The following FN1 variants were observed in gnomAD, a reference collection of about 807,000 sequenced individuals.
FN1 encodes the protein fibronectin.
FN1 carries 106 observed loss-of-function variants against 297.3 expected under a neutral mutation model. That is an observed-to-expected ratio of 0.36 (90% CI 0.30 to 0.42). FN1 has a LOEUF of 0.42. Among genes scored for constraint, FN1 ranks in the 10% least tolerant of loss-of-function variants. FN1 has a pLI of 1.00. For missense variants in FN1, 2,690 were observed against 3,124.9 expected, an observed-to-expected ratio of 0.86 and a Z score of 3.32; for synonymous variants, 1,149 against 1,152.6, an observed-to-expected ratio of 1.00 and a Z score of 0.06.
chr2:215,408,779 A>C (rs975051318), intron 15 of FN1, among the ~76,000 whole-genome samples: 12 of 152,128 alleles, frequency 7.9e-5, no homozygotes, highest in Admixed American at 7.2e-4. Flanking sequence ...CATGTTGGCC[A>C]GGCTGATCTC....
At position 215,386,852 on chromosome 2, in the gene FN1, A is replaced by G. The variant is rs1165075338; in HGVS notation, c.4449T>C (p.His1483=). 3 of 1,613,940 alleles carry G rather than the reference A, an allele frequency of 1.9e-6. No homozygotes were observed. The highest frequency in any genetic ancestry group is 8.5e-7 in the Non-Finnish European group (1 of 1,180,008). ...RATITGYRIR[H]HPEHFSGRPR... ...GTCTCCCACTGAAGTGCTCGGGATG[A>G]TGGCGGATCCTGTAGCCAGTGATGG... is the stretch of plus-strand genomic sequence containing the variant. Residue 1483 remains histidine, a synonymous_variant, in exon 28 of 46, where the codon CAT becomes CAC. Transcript: ENST00000354785.
At chr2:215,379,045 T>C (rs1415397147) in intron 34 of FN1, 85 bp downstream of exon 34, 1 of 1,142,664 alleles carries the variant, frequency 8.8e-7, no homozygotes, top group Non-Finnish European at 1.3e-6. Context: ...GTTAGATTTA[T>C]TATGATATTA....
chr2:215,382,326 C>CTT lies in FN1; in HGVS notation c.5051-2_5051-1insAA. ...CCTTCAATAGTCATTTCTGTTTGATCTGCAAAGGGAGTGAAAAGCAAATGC... is the reference window on the plus strand; with the variant it reads ...CCTTCAATAGTCATTTCTGTTTGATCTTTGCAAAGGGAGTGAAAAGCAAATGC... On this transcript the variant is annotated splice_acceptor_variant, in intron 31 of 45. Transcript: ENST00000354785. LOFTEE classifies it high-confidence loss of function. The CTT allele has an allele frequency of 1.3e-6, 2 of 1,596,492 alleles. No individual in the cohort carries two copies. The highest frequency in any genetic ancestry group is 1.7e-6 in the Non-Finnish European group (2 of 1,163,982).
intron 10 of FN1, chr2:215,421,189 A>G (rs1276903699): frequency 3.2e-6 from 1 of 314,790 alleles, no homozygotes; most frequent in African/African-American, 2.2e-5. Context: ...GATTAAACAT[A>G]TTTATCTAAC....
At chr2:215,398,742 A>G (rs1321683667) in intron 21 of FN1, among the ~76,000 whole-genome samples, 6 of 152,262 alleles carry the variant, frequency 3.9e-5, no homozygotes, top group Non-Finnish European at 8.8e-5. Flanking sequence ...ATTACTTTAA[A>G]GAAGATGAAT....
rs2053416574 is a variant in FN1, at chr2:215,361,452, TA to T, written c.*102del. The T allele has an allele frequency of 5.7e-6, 5 of 881,904 alleles. No individual in the cohort carries two copies. In the South Asian group the frequency reaches 6.6e-5, roughly 12 times the overall value. 54.6% of individuals were successfully genotyped at this position (881,904 alleles called of 1,614,324 possible). A position where few individuals can be genotyped will look rare whatever the true frequency, so the allele number is the denominator to read the frequency against. On this transcript the variant is annotated 3_prime_UTR_variant, in exon 46 of 46. Coordinates refer to ENST00000354785, the MANE Select transcript of FN1 (RefSeq NM_212482.4). ...AGAACTTCCTCCAGAGCAAAGGGCT[TA>T]AGAAAGAAAGAAGAACTCTAAGCTG... is the stretch of plus-strand genomic sequence containing the variant.
intron 20 of FN1, among the ~76,000 whole-genome samples, chr2:215,400,059 A>G (rs1390379975): frequency 6.6e-6 from 1 of 152,020 alleles, no homozygotes; most frequent in Non-Finnish European, 1.5e-5. Context: ...ATGGTGGCTC[A>G]TGCCTGTAGT....
At chr2:215,421,053 T>A (rs1339756490) in intron 10 of FN1, 1 of 456,754 alleles carries the variant, frequency 2.2e-6, no homozygotes, top group East Asian at 4.4e-5. Flanking sequence ...AAGTAAAGAA[T>A]GTGGTAAAAT....
Position 215,409,867 on chromosome 2 carries a change from T to C in FN1, c.2122+67A>G, listed in dbSNP as rs1452944250. On this transcript the variant is annotated intron_variant, in intron 14 of 45. Coordinates refer to ENST00000354785, the MANE Select transcript of FN1 (RefSeq NM_212482.4). ...AGAATATGAATTGAGAAGGAAAGCA[T>C]TGCCTCAGGAGAGCCTAGCTCTAGG... 14 of 1,599,524 alleles carry C rather than the reference T, an allele frequency of 8.8e-6. No individual in the cohort carries two copies. The East Asian group carries it at 8.9e-5, about 10-fold the overall frequency.
At position 215,406,316 on chromosome 2, in the gene FN1, C is replaced by G. The variant is rs1414862410; in HGVS notation, c.2908G>C (p.Gly970Arg). 1 of 1,614,084 alleles carries G rather than the reference C, an allele frequency of 6.2e-7. No homozygotes were observed. The highest frequency in any genetic ancestry group is 8.5e-7 in the Non-Finnish European group (1 of 1,180,046). Residue 970 changes from glycine (G) to arginine (R), a missense_variant, in exon 19 of 46, where the codon GGG (glycine) becomes CGG (arginine). Physicochemically the swap from Gly to Arg is moderately radical, Grantham distance 125. This residue lies in a region of FN1 where 1,743 missense variants were observed against 1,945.2 expected (regional missense o/e 0.90). Transcript: ENST00000354785. ...AAGACTTTGAAGTAATAGGTGACCCCAGGGGACAGCCCGGTGACTTCTGCA... is the reference window on the plus strand; with the variant it reads ...AAGACTTTGAAGTAATAGGTGACCCGAGGGGACAGCCCGGTGACTTCTGCA... ...TFAEVTGLSP[G>R]VTYYFKVFAV...
intron 34 of FN1, 22 bp downstream of exon 34, chr2:215,379,108 A>C (rs1214703329): frequency 1.9e-6 from 3 of 1,608,186 alleles, no homozygotes; most frequent in Non-Finnish European, 1.7e-6. Flanking sequence ...CTTTATTCCA[A>C]TGAACAACGG....
At chr2:215,389,898 G>A (rs1487620566) in intron 26 of FN1, among the ~76,000 whole-genome samples, 2 of 152,212 alleles carry the variant, frequency 1.3e-5, no homozygotes. Context: ...CTATGAGCCT[G>A]TGCAGCATGT....
chr2:215,424,345 A>G lies in FN1; in HGVS notation c.1037-20T>C, dbSNP rs1365521041. On this transcript the variant is annotated intron_variant, in intron 7 of 45. Transcript: ENST00000354785. The stretch of plus-strand genomic sequence containing the variant: ...TTACAGCTACAATCATAATCAAAAG[A>G]GTGTCAGTAAACAGAGATGCTTTAT... The G allele has an allele frequency of 6.2e-7, 1 of 1,607,338 alleles. No homozygotes were observed. The highest frequency in any genetic ancestry group is 1.7e-5 in the Admixed American group (1 of 59,998).
chr2:215,425,816 C>G lies in FN1; in HGVS notation c.845-531G>C, dbSNP rs146189171. ...CAAACTCCTGACCTCAGGGGATCCA[C>G]CCGCTTCGGCCTCCCAAAGTGCTGG... On this transcript the variant is annotated intron_variant, in intron 6 of 45. Coordinates refer to ENST00000354785, the MANE Select transcript of FN1 (RefSeq NM_212482.4). 4.3e-4 allele frequency among the ~76,000 whole-genome samples: 65 copies of G among 152,278 alleles called. 2 individuals carry two copies. The East Asian group carries it at 0.011, about 25-fold the overall frequency.
At chr2:215,414,080 T>C (rs577095658) in intron 13 of FN1, among the ~76,000 whole-genome samples, 1 of 152,352 alleles carries the variant, frequency 6.6e-6, no homozygotes, top group Admixed American at 6.5e-5. Context: ...TTTGTAATTG[T>C]AGAATTCAAT....
At chr2:215,415,607 A>G (rs2063326241) in intron 12 of FN1, among the ~76,000 whole-genome samples, 1 of 152,182 alleles carries the variant, frequency 6.6e-6, no homozygotes, top group Non-Finnish European at 1.5e-5. Flanking sequence ...CCATTGATCC[A>G]TCAAATTATT....
At chr2:215,362,249 C>A in intron 44 of FN1, 170 bp from the exon 45 acceptor site, 1 of 647,086 alleles carries the variant, frequency 1.5e-6, no homozygotes, top group South Asian at 1.7e-5. Context: ...ACTCTTAATA[C>A]ATTTTGGCTT....
At chr2:215,433,683 T>C (rs887415193) in intron 2 of FN1, among the ~76,000 whole-genome samples, 4 of 152,246 alleles carry the variant, frequency 2.6e-5, no homozygotes, top group African/African-American at 9.6e-5. Context: ...TTATTCATAT[T>C]GTAGAAAAAT....
rs922090000 is a variant in FN1, at chr2:215,365,746, C to T, written c.7019-116G>A. 8 of 860,128 alleles carry T rather than the reference C, an allele frequency of 9.3e-6. No homozygotes were observed. In the African/African-American group the frequency reaches 1.0e-4, roughly 11 times the overall value. The allele number at this position is 860,128 out of a possible 1,614,324, so 53.3% of individuals were successfully genotyped here. The stretch of plus-strand genomic sequence containing the variant: ...TCAGAACCATGATCTGGAAAAATAG[C>T]AAGTTAAAGATAAAAACCCCTATAA... On this transcript the variant is annotated intron_variant, in intron 42 of 45. Transcript: ENST00000354785.
Sources: gnomAD v4.1 joint callset for allele counts (sites outside exome capture counted in the v4.1 genomes callset) on GRCh38, gnomAD v4.1.1 for gene constraint, gnomAD v4.1.1 regional missense constraint, MANE v1.5 for transcripts, NCBI Gene and HGNC (gene_info 2026-07-23, HGNC 2026-07-21) for gene names.